SLC17A3: variants seen among roughly 807,000 people sequenced by gnomAD.
The protein encoded by SLC17A3 is sodium-dependent phosphate transport protein 4.
A neutral mutation model predicts 60.3 loss-of-function variants in SLC17A3; 61 were observed. That is an observed-to-expected ratio of 1.01 (90% CI 0.82 to 1.25). SLC17A3 has a LOEUF of 1.25. Among genes scored for constraint, SLC17A3 ranks in the 50% most tolerant of loss-of-function variants. The pLI is 0.00. For synonymous variants in SLC17A3, 192 were observed against 208.9 expected (o/e 0.92, Z 0.70); for missense variants, 624 against 594.9 (o/e 1.05, Z -0.51).
chr6:25,845,975 T>A (rs1403805155), intron 11 of SLC17A3, among the ~76,000 whole-genome samples: 1 of 152,190 alleles, frequency 6.6e-6, no homozygotes, highest in Non-Finnish European at 1.5e-5. Flanking sequence ...AAAATTCAAT[T>A]TTCACAACTG....
rs747654165 is a variant in SLC17A3, at chr6:25,849,873, C to T, written c.1203G>A (p.Thr401=). ...SGYITATALL[T]LSCGLSTLCQ... is the part of the protein sequence containing the mutation. The stretch of plus-strand genomic sequence containing the variant: ...ACAATGTGCTTAATCCGCAAGAGAG[C>T]GTCAGCAAGGCAGTTGCTGTGATAT... Residue 401 remains threonine, a synonymous_variant, in exon 10 of 13, where the codon ACG becomes ACA. Coordinates refer to ENST00000397060, the MANE Select transcript of SLC17A3 (RefSeq NM_001098486.2). 1.2e-5 allele frequency: 20 copies of T among 1,613,860 alleles called. No individual in the cohort carries two copies. The highest frequency in any genetic ancestry group is 1.4e-5 in the Non-Finnish European group (17 of 1,179,748).
At chr6:25,853,475 G>A (rs1765313821) in intron 6 of SLC17A3, among the ~76,000 whole-genome samples, 2 of 134,628 alleles carry the variant, frequency 1.5e-5, no homozygotes, top group Admixed American at 1.6e-4. Context: ...GAGTGCAGTG[G>A]TGCGATCTTG....
rs767122254 is a variant in SLC17A3 at position 25,867,408 on chromosome 6, C to G, written c.91+889G>C. Among the ~76,000 whole-genome samples the G allele has an allele frequency of 2.0e-5, 3 of 152,038 alleles. No homozygotes were observed. In the South Asian group the frequency reaches 6.2e-4, roughly 32 times the overall value. On this transcript the variant is annotated intron_variant, in intron 2 of 12. Transcript: ENST00000397060. The stretch of plus-strand genomic sequence containing the variant: ...TATTTTTGTTTGGATTAAAAACTAA[C>G]GTCTCTGTAGTGAACAAAGGAAATG...
intron 7 of SLC17A3, 35 bp from the exon 8 acceptor site, chr6:25,850,655 C>A (rs373994029): frequency 3.1e-6 from 5 of 1,613,090 alleles, no homozygotes; most frequent in Middle Eastern, 1.7e-4. Context: ...ACGGTAAATC[C>A]GACAGATGCT....
chr6:25,861,111 C>T (rs1357462050), intron 5 of SLC17A3, among the ~76,000 whole-genome samples: 2 of 152,166 alleles, frequency 1.3e-5, no homozygotes, highest in Non-Finnish European at 2.9e-5. Flanking sequence ...CCCAGTATAA[C>T]TTAGACTTCT....
At chr6:25,869,103 A>T (rs1765596688) in intron 1 of SLC17A3, among the ~76,000 whole-genome samples, 1 of 152,092 alleles carries the variant, frequency 6.6e-6, no homozygotes. Flanking sequence ...TAGGTTGATG[A>T]TGTGTCTGTA....
intron 1 of SLC17A3, among the ~76,000 whole-genome samples, chr6:25,872,448 G>A (rs959174406): frequency 4.0e-5 from 6 of 151,222 alleles, no homozygotes; most frequent in African/African-American, 1.5e-4. Flanking sequence ...GTCTGTGTGT[G>A]TGGGTGTGTT....
intron 2 of SLC17A3, among the ~76,000 whole-genome samples, chr6:25,864,229 G>A (rs1026661018): frequency 3.3e-5 from 5 of 151,936 alleles, no homozygotes; most frequent in Admixed American, 6.6e-5. Flanking sequence ...TAGATCATGA[G>A]GCCTGAATTG....
intron 6 of SLC17A3, among the ~76,000 whole-genome samples, chr6:25,851,138 T>G (rs548162814): frequency 6.6e-6 from 1 of 152,156 alleles, no homozygotes; most frequent in Non-Finnish European, 1.5e-5. Flanking sequence ...TGGAGATATC[T>G]TATGGTTTTT....
At chr6:25,873,839 ATGATATTTGT>A (rs1194829454) in intron 1 of SLC17A3, among the ~76,000 whole-genome samples, 1 of 152,094 alleles carries the variant, frequency 6.6e-6, no homozygotes, top group African/African-American at 2.4e-5. Flanking sequence ...AATGAAAGAG[ATGATATTTGT>A]TCAGAAGCCA....
intron 11 of SLC17A3, among the ~76,000 whole-genome samples, chr6:25,847,717 A>T (rs1471750262): frequency 2.0e-5 from 3 of 151,656 alleles, no homozygotes; most frequent in Admixed American, 6.6e-5. Flanking sequence ...TCTTTTAAAA[A>T]TTTTTTATTT....
chr6:25,862,723 T>C (rs895917663), intron 2 of SLC17A3, among the ~76,000 whole-genome samples: 2 of 151,918 alleles, frequency 1.3e-5, no homozygotes, highest in African/African-American at 4.8e-5. Context: ...TGTTCTACAG[T>C]TGATGAAATT....
At chr6:25,853,073 A>G (rs189794917) in intron 6 of SLC17A3, among the ~76,000 whole-genome samples, 1 of 152,164 alleles carries the variant, frequency 6.6e-6, no homozygotes, top group East Asian at 1.9e-4. Flanking sequence ...GAGGAACAAC[A>G]TTTATGAGTA....
At position 25,852,285 on chromosome 6, in the gene SLC17A3, G is replaced by A. The variant is rs535457495; in HGVS notation, c.713-1408C>T. On this transcript the variant is annotated intron_variant, in intron 6 of 12. Transcript: ENST00000397060. ...CTTTAAGATTTTCTCTTTACTTCTG[G>A]TTTTGAGCCATTTGATTAGAATGTA... Among the ~76,000 whole-genome samples the A allele has an allele frequency of 1.0e-3, 157 of 151,944 alleles. 1 individual carries two copies. Among genetic ancestry groups the A allele is most frequent in the South Asian group, 3.1e-3 (15 of 4,812 alleles).
chr6:25,857,036 A>C (rs1453913167), intron 5 of SLC17A3, among the ~76,000 whole-genome samples: 1 of 151,786 alleles, frequency 6.6e-6, no homozygotes, highest in Non-Finnish European at 1.5e-5. Context: ...CAAAAAGTAA[A>C]AAATTATCCA....
intron 5 of SLC17A3, 75 bp from the exon 6 acceptor site, chr6:25,855,305 A>C: frequency 1.0e-6 from 1 of 994,050 alleles, no homozygotes; most frequent in Non-Finnish European, 1.6e-6. Flanking sequence ...GATAGATGAC[A>C]TATTATAGAG....
chr6:25,866,169 T>C (rs184756784), intron 2 of SLC17A3, among the ~76,000 whole-genome samples: 24 of 152,114 alleles, frequency 1.6e-4, no homozygotes, highest in African/African-American at 5.8e-4. Context: ...GATTACATTA[T>C]GTTATATAAG....
chr6:25,849,542 C>A, intron 10 of SLC17A3, 78 bp from the exon 11 acceptor site: 1 of 875,940 alleles, frequency 1.1e-6, no homozygotes, highest in South Asian at 1.4e-5. Context: ...ATGTATGAAT[C>A]TATAACTCAA....
At chr6:25,856,643 C>T (rs1413633058) in intron 5 of SLC17A3, among the ~76,000 whole-genome samples, 2 of 151,392 alleles carry the variant, frequency 1.3e-5, no homozygotes, top group African/African-American at 2.4e-5. Context: ...GTTAGGAGTT[C>T]GAGACCAGCT....
Sources: gnomAD v4.1 joint callset for allele counts (sites outside exome capture counted in the v4.1 genomes callset) on GRCh38, gnomAD v4.1.1 for gene constraint, MANE v1.5 for transcripts, NCBI Gene and HGNC (gene_info 2026-07-23, HGNC 2026-07-21) for gene names.